The following CNTNAP2 variants were observed in gnomAD, a reference collection of about 807,000 sequenced individuals.
CNTNAP2 encodes the protein contactin-associated protein-like 2.
CNTNAP2 carries 98 observed loss-of-function variants against 155.2 expected under a neutral mutation model. The observed-to-expected ratio is 0.63, with a 90% CI of 0.54 to 0.75. CNTNAP2 has a LOEUF of 0.75. Ranked by LOEUF, CNTNAP2 falls within the 30% of genes least tolerant of loss-of-function variation. CNTNAP2 has a pLI of 0.00. For missense variants in CNTNAP2, 1,727 were observed against 1,688.1 expected, an observed-to-expected ratio of 1.02 and a Z score of -0.40; for synonymous variants, 651 against 631.2, an observed-to-expected ratio of 1.03 and a Z score of -0.47.
At chr7:147,423,569 T>A (rs190770905) in intron 10 of CNTNAP2, among the ~76,000 whole-genome samples, 4 of 152,290 alleles carry the variant, frequency 2.6e-5, no homozygotes, top group Admixed American at 2.6e-4. Context: ...CAGATTTTAA[T>A]GCCTGGTTCA....
At chr7:147,161,064 G>T (rs139053695) in intron 8 of CNTNAP2, among the ~76,000 whole-genome samples, 1 of 152,144 alleles carries the variant, frequency 6.6e-6, no homozygotes, top group Non-Finnish European at 1.5e-5. Flanking sequence ...GTGAAAGAAC[G>T]TAGTGACCAG....
chr7:147,892,449 T>C (rs1328045706), intron 13 of CNTNAP2, among the ~76,000 whole-genome samples: 1 of 152,198 alleles, frequency 6.6e-6, no homozygotes, highest in Non-Finnish European at 1.5e-5. Context: ...GAGACCATGG[T>C]GTAAAGGAAT....
intron 1 of CNTNAP2, among the ~76,000 whole-genome samples, chr7:146,735,267 T>C (rs1801592552): frequency 1.3e-5 from 2 of 152,286 alleles, no homozygotes; most frequent in East Asian, 1.9e-4. Context: ...AAAACTTAGT[T>C]TGTGGCCAGG....
intron 12 of CNTNAP2, among the ~76,000 whole-genome samples, chr7:147,586,900 A>T (rs1207832594): frequency 2.0e-5 from 3 of 152,172 alleles, no homozygotes; most frequent in African/African-American, 7.2e-5. Flanking sequence ...CCCACAGAAG[A>T]TTAAGCATTT....
At position 147,407,302 on chromosome 7, in the gene CNTNAP2, C is replaced by A. The variant is rs1244259923; in HGVS notation, c.1670+11522C>A. Among the ~76,000 whole-genome samples, 5 of 151,156 alleles carry A rather than the reference C, an allele frequency of 3.3e-5. No homozygotes were observed. In the South Asian group the frequency reaches 8.4e-4, roughly 25 times the overall value. On this transcript the variant is annotated intron_variant, in intron 10 of 23. Transcript: ENST00000361727. Reference sequence around the variant, plus strand: ...GCTAACATGGTGAAACCCCGTCTCTCCTAAAAATACAAAAAATTAGCCGGG... The same window carrying A: ...GCTAACATGGTGAAACCCCGTCTCTACTAAAAATACAAAAAATTAGCCGGG...
intron 13 of CNTNAP2, among the ~76,000 whole-genome samples, chr7:147,791,368 A>G (rs1028649409): frequency 4.6e-5 from 7 of 151,484 alleles, no homozygotes; most frequent in African/African-American, 1.7e-4. Flanking sequence ...CATGACATAT[A>G]GTCATACATT....
chr7:147,729,210 A>G (rs567341202), intron 13 of CNTNAP2, among the ~76,000 whole-genome samples: 32 of 151,892 alleles, frequency 2.1e-4, no homozygotes, highest in Middle Eastern at 6.8e-3. Flanking sequence ...TGCTGGGATG[A>G]CAGTTGTAAG....
intron 3 of CNTNAP2, among the ~76,000 whole-genome samples, chr7:146,906,942 C>G (rs1440025030): frequency 2.0e-5 from 3 of 146,982 alleles, no homozygotes; most frequent in African/African-American, 5.0e-5. Flanking sequence ...ATAACCAATA[C>G]AGAGAAGTGC....
intron 13 of CNTNAP2, among the ~76,000 whole-genome samples, chr7:147,736,773 G>A (rs1796854787): frequency 1.3e-5 from 2 of 151,914 alleles, no homozygotes; most frequent in African/African-American, 4.8e-5. Context: ...TCATTCATTT[G>A]ATCTTCAGTC....
At chr7:147,747,124 TC>T (rs560190284) in intron 13 of CNTNAP2, among the ~76,000 whole-genome samples, 6 of 152,200 alleles carry the variant, frequency 3.9e-5, no homozygotes, top group Non-Finnish European at 7.3e-5. Flanking sequence ...CCACATGAAC[TC>T]ACCGACCGCC....
chr7:148,297,277 G>A (rs1797304464), intron 21 of CNTNAP2, among the ~76,000 whole-genome samples: 1 of 152,092 alleles, frequency 6.6e-6, no homozygotes, highest in South Asian at 2.1e-4. Flanking sequence ...TCCTAGCACG[G>A]GCAGTGTGGT....
intron 1 of CNTNAP2, among the ~76,000 whole-genome samples, chr7:146,752,488 G>GT (rs1193913675): frequency 6.6e-6 from 1 of 152,042 alleles, no homozygotes; most frequent in Non-Finnish European, 1.5e-5. Flanking sequence ...CTTTTAATTT[G>GT]TTTAAGTTTC....
intron 9 of CNTNAP2, among the ~76,000 whole-genome samples, chr7:147,354,876 G>A (rs1796036433): frequency 2.6e-5 from 4 of 152,054 alleles, no homozygotes; most frequent in Non-Finnish European, 5.9e-5. Context: ...GTATTCCTAA[G>A]TATTTTATTC....
chr7:148,024,648 T>A (rs1802345979), intron 15 of CNTNAP2, among the ~76,000 whole-genome samples: 1 of 152,236 alleles, frequency 6.6e-6, no homozygotes. Context: ...TCTACATTAT[T>A]TGACCCCCAA....
chr7:146,957,237 G>C (rs752771258), intron 3 of CNTNAP2, among the ~76,000 whole-genome samples: 1 of 152,094 alleles, frequency 6.6e-6, no homozygotes, highest in African/African-American at 2.4e-5. Flanking sequence ...CACAATGGAA[G>C]TATTAATATA....
chr7:146,830,247 G>A (rs1164277926), intron 2 of CNTNAP2, among the ~76,000 whole-genome samples: 2 of 151,964 alleles, frequency 1.3e-5, no homozygotes, highest in Non-Finnish European at 2.9e-5. Flanking sequence ...TGATCTACAC[G>A]TTTTGACCTT....
intron 5 of CNTNAP2, among the ~76,000 whole-genome samples, chr7:147,111,031 G>A (rs1040525859): frequency 2.6e-5 from 4 of 152,056 alleles, no homozygotes; most frequent in Non-Finnish European, 5.9e-5. Flanking sequence ...AGCATCACCA[G>A]CATCTGTTGT....
chr7:147,356,377 C>G (rs1796062030), intron 9 of CNTNAP2, among the ~76,000 whole-genome samples: 2 of 152,030 alleles, frequency 1.3e-5, no homozygotes, highest in African/African-American at 2.4e-5. Context: ...TGGCACAAGA[C>G]AGGGATGGCC....
At chr7:148,058,636 G>A (rs1011220859) in intron 15 of CNTNAP2, among the ~76,000 whole-genome samples, 5 of 152,164 alleles carry the variant, frequency 3.3e-5, no homozygotes, top group Non-Finnish European at 5.9e-5. Context: ...TCCTTGCAAG[G>A]CGTGTCGCTT....
Sources: gnomAD v4.1 joint callset for allele counts (sites outside exome capture counted in the v4.1 genomes callset) on GRCh38, gnomAD v4.1.1 for gene constraint, MANE v1.5 for transcripts, NCBI Gene and HGNC (gene_info 2026-07-23, HGNC 2026-07-21) for gene names.